CEP112: variants seen among roughly 807,000 people sequenced by gnomAD.
The protein encoded by CEP112 is centrosomal protein 112, also known as centrosomal protein of 112 kDa.
CEP112 carries 127 observed loss-of-function variants against 153.0 expected under a neutral mutation model. The observed-to-expected ratio is 0.83, with a 90% CI of 0.72 to 0.96. The LOEUF (loss-of-function observed/expected upper bound fraction) is 0.96. CEP112 is among the 40% of genes least tolerant of loss of function. The pLI is 0.00. For missense variants in CEP112, 1,089 were observed against 1,101.2 expected (o/e 0.99, Z 0.16); for synonymous variants, 358 against 374.4 (o/e 0.96, Z 0.51).
intron 4 of CEP112, among the ~76,000 whole-genome samples, chr17:66,143,747 A>T (rs1418257525): frequency 6.6e-6 from 1 of 152,212 alleles, no homozygotes. Context: ...AAAGCAAATT[A>T]TTTCTTGTGG....
At chr17:66,084,535 T>C (rs1233887555) in intron 8 of CEP112, among the ~76,000 whole-genome samples, 1 of 152,208 alleles carries the variant, frequency 6.6e-6, no homozygotes, top group Non-Finnish European at 1.5e-5. Flanking sequence ...TGGAGGTTAC[T>C]ATGTTCAGTG....
chr17:66,106,350 C>A (rs1174432926), intron 6 of CEP112, among the ~76,000 whole-genome samples: 1 of 151,522 alleles, frequency 6.6e-6, no homozygotes, highest in Non-Finnish European at 1.5e-5. Flanking sequence ...CACAAAAAAT[C>A]AACAAAACAA....
At chr17:65,856,780 A>C (rs2058134344) in intron 20 of CEP112, among the ~76,000 whole-genome samples, 1 of 152,228 alleles carries the variant, frequency 6.6e-6, no homozygotes, top group Non-Finnish European at 1.5e-5. Context: ...AGACCATCCC[A>C]AATCGAGTTT....
At position 65,904,323 on chromosome 17, in the gene CEP112, G is replaced by A. The variant is rs534043949; in HGVS notation, c.1981-1989C>T. On this transcript the variant is annotated intron_variant, in intron 19 of 26. Transcript: ENST00000535342. ...TACACCAATAATAGACAAACAGAGA[G>A]CCAAATCATGAGTGAACTCCCATTC... Among the ~76,000 whole-genome samples the A allele has an allele frequency of 2.6e-5, 4 of 152,248 alleles. No individual in the cohort carries two copies. The South Asian group carries it at 6.2e-4, about 24-fold the overall frequency.
At position 65,821,617 on chromosome 17, in the gene CEP112, T is replaced by C. The variant is rs2056590379; in HGVS notation, c.2394+30187A>G. Among the ~76,000 whole-genome samples the C allele has an allele frequency of 6.5e-5, 9 of 139,086 alleles. No individual in the cohort carries two copies. In the South Asian group the frequency reaches 2.2e-3, roughly 35 times the overall value. 91.2% of individuals were successfully genotyped at this position (139,086 alleles called of 152,430 possible). ...CCCAGGCTGGAGCACAGTGGTGCGA[T>C]CTCGGCTTACCACAACCTCTGCTTC... On this transcript the variant is annotated intron_variant, in intron 21 of 26. Transcript: ENST00000535342.
At chr17:65,986,542 G>C (rs914697914) in intron 17 of CEP112, among the ~76,000 whole-genome samples, 17 of 152,210 alleles carry the variant, frequency 1.1e-4, no homozygotes, top group African/African-American at 3.9e-4. Context: ...AAATGCATCG[G>C]ATTAAAGTAA....
intron 12 of CEP112, among the ~76,000 whole-genome samples, chr17:66,038,735 T>C (rs570931656): frequency 1.2e-3 from 177 of 152,198 alleles, no homozygotes; most frequent in Non-Finnish European, 2.2e-3. Context: ...TCTTCCCACA[T>C]TGGGAACTGA....
At chr17:65,936,605 C>T (rs1241609477) in intron 18 of CEP112, among the ~76,000 whole-genome samples, 2 of 152,002 alleles carry the variant, frequency 1.3e-5, no homozygotes, top group Non-Finnish European at 2.9e-5. Context: ...GGAATTTATC[C>T]CTGGGATGCA....
At chr17:65,860,614 G>T (rs1297238147) in intron 20 of CEP112, among the ~76,000 whole-genome samples, 6 of 152,126 alleles carry the variant, frequency 3.9e-5, no homozygotes, top group Admixed American at 2.0e-4. Context: ...GGACAGAGCT[G>T]GCATTACAGT....
chr17:65,997,700 T>C (rs1005350719), intron 17 of CEP112, among the ~76,000 whole-genome samples: 1 of 152,128 alleles, frequency 6.6e-6, no homozygotes, highest in Non-Finnish European at 1.5e-5. Context: ...ATTATTGTCA[T>C]AAGCTATAAA....
At chr17:65,900,887 C>T (rs990313815) in intron 20 of CEP112, among the ~76,000 whole-genome samples, 1 of 152,066 alleles carries the variant, frequency 6.6e-6, no homozygotes, top group Non-Finnish European at 1.5e-5. Context: ...CAATGACTAC[C>T]TTTTTAGGTA....
chr17:65,914,065 C>T (rs1400272401), intron 19 of CEP112, among the ~76,000 whole-genome samples: 1 of 151,612 alleles, frequency 6.6e-6, no homozygotes, highest in Non-Finnish European at 1.5e-5. Flanking sequence ...TAATGGACAA[C>T]TCAAGCCACA....
At chr17:65,962,172 T>TA (rs1438321025) in intron 17 of CEP112, among the ~76,000 whole-genome samples, 2 of 152,122 alleles carry the variant, frequency 1.3e-5, no homozygotes, top group Non-Finnish European at 2.9e-5. Flanking sequence ...GTTCTGGAAT[T>TA]AGATAGTGGT....
intron 23 of CEP112, among the ~76,000 whole-genome samples, chr17:65,713,573 CA>C (rs778328788): frequency 3.9e-4 from 60 of 152,236 alleles, no homozygotes; most frequent in Non-Finnish European, 7.6e-4. Flanking sequence ...CCTCTCACGT[CA>C]AGTCAATTGA....
intron 21 of CEP112, among the ~76,000 whole-genome samples, chr17:65,846,592 G>A (rs1438505371): frequency 1.3e-5 from 2 of 152,074 alleles, no homozygotes; most frequent in African/African-American, 4.8e-5. Flanking sequence ...GTTTTGAGAC[G>A]GAGTCTCGCT....
chr17:65,770,658 G>A (rs551743822), intron 21 of CEP112, among the ~76,000 whole-genome samples: 7 of 152,088 alleles, frequency 4.6e-5, no homozygotes, highest in East Asian at 1.9e-4. Context: ...AACAAATTGC[G>A]AGGTTTATAA....
At chr17:65,816,313 T>C (rs1336217679) in intron 21 of CEP112, among the ~76,000 whole-genome samples, 2 of 152,032 alleles carry the variant, frequency 1.3e-5, no homozygotes, top group East Asian at 3.8e-4. Context: ...CCATAGGTTA[T>C]TGGGGAACAG....
intron 16 of CEP112, among the ~76,000 whole-genome samples, chr17:66,023,841 A>G (rs575414378): frequency 3.3e-5 from 5 of 152,238 alleles, no homozygotes; most frequent in African/African-American, 1.2e-4. Flanking sequence ...GTAAAGATTG[A>G]CAAAATTGAT....
intron 18 of CEP112, among the ~76,000 whole-genome samples, chr17:65,958,239 T>C (rs2062066899): frequency 6.6e-6 from 1 of 152,248 alleles, no homozygotes; most frequent in Admixed American, 6.5e-5. Flanking sequence ...GTATATATTA[T>C]ATGAGCTCTT....
Sources: allele counts gnomAD v4.1 joint callset (sites outside exome capture counted in the v4.1 genomes callset), GRCh38; gene constraint gnomAD v4.1.1; transcripts MANE v1.5; gene names NCBI Gene and HGNC (gene_info 2026-07-23, HGNC 2026-07-21).